Variants in CACNA1B observed in about 807,000 individuals in gnomAD.
The protein encoded by CACNA1B is voltage-dependent N-type calcium channel subunit alpha-1B.
A neutral mutation model predicts 247.2 loss-of-function variants in CACNA1B; 70 were observed. The ratio of observed to expected loss-of-function variants is 0.28; its 90% CI spans 0.23 to 0.35. The LOEUF (loss-of-function observed/expected upper bound fraction) is 0.35. Among genes scored for constraint, CACNA1B ranks in the 10% least tolerant of loss-of-function variants. The pLI, the probability that CACNA1B is intolerant of heterozygous loss-of-function variation, is 1.00. For missense variants in CACNA1B, 2,367 were observed against 3,197.4 expected (o/e 0.74, Z 6.26); for synonymous variants, 1,231 against 1,294.4 (o/e 0.95, Z 1.05).
Position 137,957,780 on chromosome 9 carries a change from G to A in CACNA1B, c.1333+93G>A, listed in dbSNP as rs751163644. 8 of 825,904 alleles carry A rather than the reference G, an allele frequency of 9.7e-6. No homozygotes were observed. In the South Asian group the frequency reaches 1.2e-4, roughly 12 times the overall value. The allele number at this position is 825,904 out of a possible 1,614,324, so 51.2% of individuals were successfully genotyped here. A position where few individuals can be genotyped will look rare whatever the true frequency, so the allele number is the denominator to read the frequency against. ...CCCTGCTACCCAGCCACTGTTGGAC[G>A]CCCCTTCTTGCCCAAACGCCTGCAG... On this transcript the variant is annotated intron_variant, in intron 10 of 46. Transcript: ENST00000371372. The surrounding 1 kb of genome is among the most constrained non-coding windows in gnomAD (Gnocchi z 4.7).
At chr9:137,979,422 A>G (rs556692282) in intron 12 of CACNA1B, among the ~76,000 whole-genome samples, 1 of 152,174 alleles carries the variant, frequency 6.6e-6, no homozygotes, top group Non-Finnish European at 1.5e-5. Flanking sequence ...GAGTATGTAC[A>G]TAAGACAGAA....
chr9:138,099,601 C>T (rs968711198), intron 37 of CACNA1B, among the ~76,000 whole-genome samples: 13 of 148,174 alleles, frequency 8.8e-5, no homozygotes, highest in Admixed American at 4.0e-4. Context: ...TGGGTGTGCA[C>T]GTGCCTGTGG....
chr9:138,048,880 G>T (rs1247649022), intron 23 of CACNA1B, among the ~76,000 whole-genome samples: 2 of 152,160 alleles, frequency 1.3e-5, no homozygotes, highest in Non-Finnish European at 2.9e-5. Flanking sequence ...ACCACACCCG[G>T]CTAATTTTTG....
chr9:137,963,153 T>C (rs1258077333), intron 10 of CACNA1B, among the ~76,000 whole-genome samples: 1 of 152,216 alleles, frequency 6.6e-6, no homozygotes, highest in East Asian at 1.9e-4. Context: ...ATCATCTTTT[T>C]TGATCTTTGG....
At chr9:137,937,417 G>A (rs2133313129) in intron 6 of CACNA1B, among the ~76,000 whole-genome samples, 1 of 152,160 alleles carries the variant, frequency 6.6e-6, no homozygotes, top group South Asian at 2.1e-4. Context: ...TATGAACAAA[G>A]CCTCCAAGAA....
chr9:137,996,411 A>G (rs1216968052), intron 15 of CACNA1B, among the ~76,000 whole-genome samples: 16 of 152,230 alleles, frequency 1.1e-4, no homozygotes, highest in African/African-American at 3.4e-4. Flanking sequence ...TAAGTCAGGA[A>G]TGGAAACCCA....
chr9:137,881,620 A>G lies in CACNA1B; in HGVS notation c.391-1124A>G, dbSNP rs1275929589. On this transcript the variant is annotated intron_variant, in intron 2 of 46. Coordinates refer to ENST00000371372, the MANE Select transcript of CACNA1B (RefSeq NM_000718.4). This position sits in a 1 kb window ranked among gnomAD's most constrained non-coding sequence, Gnocchi z 4.3. ...GCAGGTGTCCGACACCCCCATGCCA[A>G]CCCTGCACATGCAGCTCCCTCAGCC... Among the ~76,000 whole-genome samples the G allele has an allele frequency of 1.3e-5, 2 of 151,922 alleles. No individual in the cohort carries two copies. Among genetic ancestry groups the G allele is most frequent in the Admixed American group, 1.3e-4 (2 of 15,248 alleles).
At chr9:138,070,749 G>A (rs2133531092) in intron 32 of CACNA1B, among the ~76,000 whole-genome samples, 1 of 152,340 alleles carries the variant, frequency 6.6e-6, no homozygotes, top group African/African-American at 2.4e-5. Flanking sequence ...CCTCCTCAGA[G>A]AGCCCTTCCC....
At chr9:138,006,289 T>C (rs544334332) in intron 15 of CACNA1B, among the ~76,000 whole-genome samples, 1 of 152,258 alleles carries the variant, frequency 6.6e-6, no homozygotes, top group South Asian at 2.1e-4. Flanking sequence ...GGGTTGCATT[T>C]AGCCAGGCTG....
At chr9:138,098,977 C>T (rs1961150465) in intron 37 of CACNA1B, among the ~76,000 whole-genome samples, 1 of 152,248 alleles carries the variant, frequency 6.6e-6, no homozygotes. Context: ...GAGCACAGGG[C>T]ACCTTGAGCC....
Position 138,084,210 on chromosome 9 carries a change from C to T in CACNA1B, c.5094+5952C>T, listed in dbSNP as rs150532932. Among the ~76,000 whole-genome samples, 52 of 151,236 alleles carry T rather than the reference C, an allele frequency of 3.4e-4. 3 individuals carry two copies. The highest frequency in any genetic ancestry group is 1.1e-3 in the African/African-American group (46 of 40,958). On this transcript the variant is annotated intron_variant, in intron 36 of 46. Coordinates refer to ENST00000371372, the MANE Select transcript of CACNA1B (RefSeq NM_000718.4). ...AACCTGTACCCCAACACCCAGGTGC[C>T]ACAATAAGTTCATGAGATTCTAAGT...
chr9:137,881,240 C>T lies in CACNA1B; in HGVS notation c.391-1504C>T, dbSNP rs1956915916. ...CAAATCAGACCAGAAGGCTCGAGGC[C>T]AGGAAGAGCATGGGCGAGTCAGCAC... On this transcript the variant is annotated intron_variant, in intron 2 of 46. Transcript: ENST00000371372. This position sits in a 1 kb window ranked among gnomAD's most constrained non-coding sequence, Gnocchi z 4.3. Among the ~76,000 whole-genome samples the T allele has an allele frequency of 6.6e-6, 1 of 152,162 alleles. No homozygotes were observed. Among genetic ancestry groups the T allele is most frequent in the South Asian group, 2.1e-4 (1 of 4,832 alleles).
At chr9:138,009,589 TG>T (rs1444684647) in intron 16 of CACNA1B, among the ~76,000 whole-genome samples, 9 of 152,048 alleles carry the variant, frequency 5.9e-5, no homozygotes, top group Non-Finnish European at 1.3e-4. Flanking sequence ...GAGCTGTTTG[TG>T]GGGAGGCTTC....
At chr9:138,047,289 GCTCC>G in intron 22 of CACNA1B, 106 bp from the exon 23 acceptor site, 1 of 853,534 alleles carries the variant, frequency 1.2e-6, no homozygotes, top group Non-Finnish European at 1.9e-6. Flanking sequence ...AGGCTTCCTG[GCTCC>G]CTGGCTGACT....
intron 6 of CACNA1B, among the ~76,000 whole-genome samples, chr9:137,948,223 T>G (rs963758353): frequency 6.6e-6 from 1 of 152,144 alleles, no homozygotes; most frequent in Non-Finnish European, 1.5e-5. Flanking sequence ...TCAGGTGATC[T>G]GCCTGCCTCG....
chr9:137,925,544 A>G (rs531871841), intron 6 of CACNA1B, among the ~76,000 whole-genome samples: 4 of 152,314 alleles, frequency 2.6e-5, no homozygotes, highest in African/African-American at 9.6e-5. Flanking sequence ...TAGAAATACA[A>G]TGGACTTTTG....
Position 138,023,394 on chromosome 9 carries a change from AGCGGCC to A in CACNA1B, c.2660_2665del (p.Arg887_Pro888del), listed in dbSNP as rs1453332126. 34 of 1,343,172 alleles carry A rather than the reference AGCGGCC, an allele frequency of 2.5e-5. No homozygotes were observed. Among genetic ancestry groups the A allele is most frequent in the Non-Finnish European group, 2.9e-5 (31 of 1,053,206 alleles). The allele number at this position is 1,343,172 out of a possible 1,614,324, so 83.2% of individuals were successfully genotyped here. ...AGCGGGGAGCCCGGTGCCCGGGAGG[AGCGGCC>A]GCGGCCGCACCGCAGCCACAGCAAG... On this transcript the variant is annotated inframe_deletion, in exon 19 of 47. Transcript: ENST00000371372.
rs926145312 is a variant in CACNA1B, at chr9:138,072,275, T to G, written c.4675-1213T>G. On this transcript the variant is annotated intron_variant, in intron 32 of 46. Coordinates refer to ENST00000371372, the MANE Select transcript of CACNA1B (RefSeq NM_000718.4). The surrounding 1 kb of genome is among the most constrained non-coding windows in gnomAD (Gnocchi z 4.5). ...TCCTCAGCCACCCTGCCCCTGCCAG[T>G]GGAAGTGGCAGACCTAGGCAGAGGT... Among the ~76,000 whole-genome samples the G allele has an allele frequency of 4.6e-5, 7 of 152,126 alleles. No individual in the cohort carries two copies. The highest frequency in any genetic ancestry group is 1.7e-4 in the African/African-American group (7 of 41,426).
Position 138,023,434 on chromosome 9 carries a change from G to T in CACNA1B, c.2691G>T (p.Ala897=). The T allele has an allele frequency of 7.9e-7, 1 of 1,268,044 alleles. No individual in the cohort carries two copies. The highest frequency in any genetic ancestry group is 9.9e-7 in the Non-Finnish European group (1 of 1,011,196). 78.5% of individuals were successfully genotyped at this position (1,268,044 alleles called of 1,614,324 possible). A position where few individuals can be genotyped will look rare whatever the true frequency, so the allele number is the denominator to read the frequency against. Residue 897 remains alanine, a synonymous_variant, in exon 19 of 47, where the codon GCG becomes GCT. Transcript: ENST00000371372. ...RPHRSHSKEA[A]GPPEARSERG... is the part of the protein sequence containing the mutation. ...ACCGCAGCCACAGCAAGGAGGCCGC[G>T]GGGCCCCCGGAGGCGCGGAGCGAGC...
Sources: allele counts gnomAD v4.1 joint callset (sites outside exome capture counted in the v4.1 genomes callset), GRCh38; gene constraint gnomAD v4.1.1; non-coding constraint Gnocchi (gnomAD v3.1); transcripts MANE v1.5; gene names NCBI Gene and HGNC (gene_info 2026-07-23, HGNC 2026-07-21).